The following KLHL1 variants were observed in gnomAD, a reference collection of about 807,000 sequenced individuals.
KLHL1 encodes the protein kelch-like protein 1.
Under a neutral mutation model 77.7 loss-of-function variants are expected in KLHL1, and 47 were observed. That is an observed-to-expected ratio of 0.60 (90% CI 0.48 to 0.77). KLHL1 has a LOEUF of 0.77. KLHL1 is among the 30% of genes least tolerant of loss of function. The pLI is 0.00. For synonymous variants in KLHL1, 360 were observed against 325.2 expected (o/e 1.11, Z -1.15); for missense variants, 925 against 910.8 (o/e 1.02, Z -0.20).
chr13:69,903,640 T>C (rs1403182180), intron 4 of KLHL1, among the ~76,000 whole-genome samples: 5 of 110,306 alleles, frequency 4.5e-5, no homozygotes, highest in African/African-American at 1.8e-4. Flanking sequence ...CTTTTTTTTT[T>C]TTTTTTTTTT....
At chr13:69,724,622 C>G (rs1050103150) in intron 8 of KLHL1, among the ~76,000 whole-genome samples, 1 of 152,044 alleles carries the variant, frequency 6.6e-6, no homozygotes, top group African/African-American at 2.4e-5. Context: ...TACCTGCAAA[C>G]TGAATCCAAG....
At chr13:69,939,356 T>C (rs529416803) in intron 4 of KLHL1, among the ~76,000 whole-genome samples, 3 of 78,506 alleles carry the variant, frequency 3.8e-5, no homozygotes, top group African/African-American at 9.9e-5. Flanking sequence ...TATATATATA[T>C]ATATATATAT....
At chr13:69,746,013 A>G (rs1306362151) in intron 7 of KLHL1, among the ~76,000 whole-genome samples, 2 of 151,448 alleles carry the variant, frequency 1.3e-5, no homozygotes, top group Non-Finnish European at 3.0e-5. Flanking sequence ...GTTTGTTTGA[A>G]ATTTTTATTA....
intron 7 of KLHL1, among the ~76,000 whole-genome samples, chr13:69,781,363 C>A (rs1322677466): frequency 7.0e-6 from 1 of 142,130 alleles, no homozygotes; most frequent in East Asian, 2.1e-4. Context: ...CTAAGATTGG[C>A]AGAACCCACA....
At chr13:69,937,273 C>T (rs1232527681) in intron 4 of KLHL1, among the ~76,000 whole-genome samples, 1 of 152,070 alleles carries the variant, frequency 6.6e-6, no homozygotes, top group Non-Finnish European at 1.5e-5. Flanking sequence ...CAGAGAATTG[C>T]ATTAGTAAAA....
intron 1 of KLHL1, among the ~76,000 whole-genome samples, chr13:70,033,604 CTTTTTTTTTTTT>C (rs71116981): frequency 6.4e-3 from 301 of 47,130 alleles, no homozygotes; most frequent in African/African-American, 9.4e-3. Context: ...CCGCAACTGG[CTTTTTTTTTTTT>C]TTTTTTTTTT....
chr13:69,857,251 C>A (rs1384760662), intron 5 of KLHL1, among the ~76,000 whole-genome samples: 2 of 152,012 alleles, frequency 1.3e-5, no homozygotes, highest in Non-Finnish European at 2.9e-5. Flanking sequence ...CCCTGACAAA[C>A]GTTTACTTCT....
intron 1 of KLHL1, among the ~76,000 whole-genome samples, chr13:70,054,324 T>C (rs1886694551): frequency 6.6e-6 from 1 of 152,142 alleles, no homozygotes; most frequent in South Asian, 2.1e-4. Context: ...AAGCCATCTC[T>C]GTTTTGGACT....
At chr13:69,750,567 A>T (rs1874432724) in intron 7 of KLHL1, among the ~76,000 whole-genome samples, 1 of 151,838 alleles carries the variant, frequency 6.6e-6, no homozygotes, top group African/African-American at 2.4e-5. Flanking sequence ...CACCCCCAAA[A>T]TATATAAGCA....
intron 1 of KLHL1, among the ~76,000 whole-genome samples, chr13:70,001,385 T>C (rs1885283308): frequency 6.6e-6 from 1 of 151,168 alleles, no homozygotes; most frequent in South Asian, 2.1e-4. Flanking sequence ...TAGAAGTATT[T>C]CCACCTCATT....
intron 5 of KLHL1, among the ~76,000 whole-genome samples, chr13:69,858,582 G>C (rs1176099906): frequency 6.6e-6 from 1 of 151,966 alleles, no homozygotes; most frequent in African/African-American, 2.4e-5. Context: ...CATGATTTGA[G>C]AGGCATAGTC....
At chr13:70,080,642 G>A (rs1887370318) in intron 1 of KLHL1, among the ~76,000 whole-genome samples, 1 of 151,950 alleles carries the variant, frequency 6.6e-6, no homozygotes, top group Admixed American at 6.6e-5. Flanking sequence ...CTGTCACCAG[G>A]CTGGGGTGCA....
intron 9 of KLHL1, among the ~76,000 whole-genome samples, chr13:69,719,110 T>G (rs1488106480): frequency 6.6e-6 from 1 of 151,696 alleles, no homozygotes; most frequent in Non-Finnish European, 1.5e-5. Flanking sequence ...GAAAAAACAT[T>G]GTGGGGATTT....
At chr13:69,858,830 C>T (rs1057436681) in intron 5 of KLHL1, among the ~76,000 whole-genome samples, 1 of 151,898 alleles carries the variant, frequency 6.6e-6, no homozygotes, top group Non-Finnish European at 1.5e-5. Context: ...AAGAGTAAGG[C>T]TATTTCAGAA....
intron 5 of KLHL1, among the ~76,000 whole-genome samples, chr13:69,848,171 G>A (rs1382416971): frequency 6.6e-6 from 1 of 151,464 alleles, no homozygotes; most frequent in African/African-American, 2.4e-5. Context: ...AGCTTTGTTT[G>A]ACCCTTCCCC....
chr13:69,931,082 T>C (rs1008088354), intron 4 of KLHL1, among the ~76,000 whole-genome samples: 6 of 151,376 alleles, frequency 4.0e-5, no homozygotes, highest in Admixed American at 3.3e-4. Context: ...AAACACTACT[T>C]TATAAAATGA....
intron 2 of KLHL1, among the ~76,000 whole-genome samples, chr13:69,963,730 G>A (rs1453032415): frequency 9.9e-5 from 15 of 151,646 alleles, no homozygotes. Flanking sequence ...AAATCTAAAA[G>A]AAGAACATAA....
chr13:69,985,471 A>G (rs1884836746), intron 1 of KLHL1, among the ~76,000 whole-genome samples: 1 of 151,954 alleles, frequency 6.6e-6, no homozygotes, highest in Admixed American at 6.6e-5. Flanking sequence ...AATGGTTGTT[A>G]TCAAAAAGAA....
At chr13:69,704,646 T>C (rs191921645) in intron 10 of KLHL1, among the ~76,000 whole-genome samples, 3 of 151,806 alleles carry the variant, frequency 2.0e-5, no homozygotes, top group Non-Finnish European at 4.4e-5. Context: ...AATCATGCTA[T>C]TTTAAACATT....
Sources: allele counts gnomAD v4.1 joint callset (sites outside exome capture counted in the v4.1 genomes callset), GRCh38; gene constraint gnomAD v4.1.1; transcripts MANE v1.5; gene names NCBI Gene and HGNC (gene_info 2026-07-23, HGNC 2026-07-21).